Variants in SPATA13 observed in about 807,000 individuals in gnomAD.
SPATA13 encodes spermatogenesis associated 13.
A neutral mutation model predicts 104.0 loss-of-function variants in SPATA13; 50 were observed. That is an observed-to-expected ratio of 0.48 (90% CI 0.38 to 0.61). The LOEUF is 0.61. Ranked by LOEUF, SPATA13 falls within the 20% of genes least tolerant of loss-of-function variation. The pLI, the probability that SPATA13 is intolerant of heterozygous loss-of-function variation, is 0.00. For synonymous variants in SPATA13, 606 were observed against 667.5 expected, an observed-to-expected ratio of 0.91 and a Z score of 1.42; for missense variants, 1,524 against 1,690.6, an observed-to-expected ratio of 0.90 and a Z score of 1.73.
intron 3 of SPATA13, among the ~76,000 whole-genome samples, chr13:24,100,417 T>C (rs2137801152): frequency 6.6e-6 from 1 of 152,350 alleles, no homozygotes; most frequent in Middle Eastern, 3.4e-3. Flanking sequence ...GTAATAAATG[T>C]GTTTATTGAG....
At position 24,284,492 on chromosome 13, in the gene SPATA13, C is replaced by A. The variant is rs188805357; in HGVS notation, c.2301+221C>A. 4.9e-3 allele frequency among the ~76,000 whole-genome samples: 743 copies of A among 152,250 alleles called. 7 individuals are homozygous for A. Among genetic ancestry groups the A allele is most frequent in the African/African-American group, 0.017 (714 of 41,544 alleles). The stretch of plus-strand genomic sequence containing the variant: ...CCTGGCCAACATAGTGAAACCCTGT[C>A]TCTACTAAAAATACAAAAAAATTAG... On this transcript the variant is annotated intron_variant, in intron 5 of 12. Transcript: ENST00000382108.
intron 3 of SPATA13, among the ~76,000 whole-genome samples, chr13:24,052,372 G>A (rs1333358352): frequency 2.3e-5 from 3 of 130,220 alleles, no homozygotes; most frequent in Non-Finnish European, 5.3e-5. Flanking sequence ...AGATCCCATC[G>A]CTACAAACAA....
rs989993721 is a variant in SPATA13, at chr13:24,011,366, C to T, written c.-146-6301C>T. On this transcript the variant is annotated intron_variant, in intron 2 of 14. Coordinates refer to the SPATA13 transcript ENST00000424834. This position sits in a 1 kb window ranked among gnomAD's most constrained non-coding sequence, Gnocchi z 4.3. ...CTCACGTTCCGCAGCTGGTCTGGGC[C>T]CAAGTGCTGAGGACTCAGGGATCCC... Among the ~76,000 whole-genome samples, 33 of 152,286 alleles carry T rather than the reference C, an allele frequency of 2.2e-4. No individual in the cohort carries two copies. The highest frequency in any genetic ancestry group is 7.7e-4 in the African/African-American group (32 of 41,574).
chr13:24,054,297 A>G (rs1470561993), intron 3 of SPATA13, among the ~76,000 whole-genome samples: 5 of 152,220 alleles, frequency 3.3e-5, no homozygotes, highest in African/African-American at 1.2e-4. Context: ...GAGAACTGCA[A>G]ATCCATCTGC....
intron 3 of SPATA13, among the ~76,000 whole-genome samples, chr13:24,129,686 T>G (rs1246160573): frequency 6.6e-6 from 1 of 152,210 alleles, no homozygotes; most frequent in Non-Finnish European, 1.5e-5. Context: ...GTTTCTGCTT[T>G]AAATAGGCTG....
chr13:24,044,646 C>G (rs573583538), intron 3 of SPATA13, among the ~76,000 whole-genome samples: 2 of 152,296 alleles, frequency 1.3e-5, no homozygotes, highest in East Asian at 3.9e-4. Flanking sequence ...TATCCATCAT[C>G]TCATACTTGC....
chr13:24,003,586 T>C (rs1477066191), intron 2 of SPATA13, among the ~76,000 whole-genome samples: 1 of 152,224 alleles, frequency 6.6e-6, no homozygotes, highest in East Asian at 1.9e-4. Flanking sequence ...ATTAGAACCT[T>C]CATCGTGTAT....
At chr13:24,013,415 G>A (rs947935337) in intron 2 of SPATA13, among the ~76,000 whole-genome samples, 4 of 152,252 alleles carry the variant, frequency 2.6e-5, no homozygotes, top group South Asian at 2.1e-4. Flanking sequence ...TGGGGCCCAT[G>A]GGCAGCCCCC....
intron 1 of SPATA13, among the ~76,000 whole-genome samples, chr13:24,208,640 A>G (rs1051243460): frequency 3.3e-5 from 5 of 152,166 alleles, no homozygotes; most frequent in African/African-American, 1.2e-4. Context: ...GAGGGTTCCC[A>G]GACATTCTCA....
chr13:23,990,235 C>T (rs771016798), intron 2 of SPATA13, among the ~76,000 whole-genome samples: 10 of 152,312 alleles, frequency 6.6e-5, no homozygotes, highest in Non-Finnish European at 1.3e-4. Flanking sequence ...TATGATCTGT[C>T]ACCAAGAGGA....
At position 24,223,208 on chromosome 13, in the gene SPATA13, G is replaced by A; in HGVS notation, c.279G>A (p.Met93Ile). 2.6e-6 allele frequency: 4 copies of A among 1,551,692 alleles called. No individual in the cohort carries two copies. In the East Asian group the frequency reaches 9.8e-5, roughly 38 times the overall value. ...CCCACCCCGAGCGGCCCCACTCCAT[G>A]GTCCTGGTGGGGAACTCCTCCACAT... ...TGAHPERPHS[M>I]VLVGNSSTWN... Residue 93 changes from methionine to isoleucine, a missense_variant, in exon 2 of 13, where the codon ATG (methionine) becomes ATA (isoleucine). Transcript: ENST00000382108.
At position 24,297,356 on chromosome 13, in the gene SPATA13, C is replaced by T. The variant is rs369983736; in HGVS notation, c.3211-7C>T. On this transcript the variant is annotated splice_region_variant and splice_polypyrimidine_tract_variant and intron_variant, in intron 10 of 12. Coordinates refer to ENST00000382108, the MANE Select transcript of SPATA13 (RefSeq NM_001166271.3). ...GAAGGTCTTAAGATGTGTTTTCATC[C>T]TTCCAGGGACTGGATATCTTAGACC... The T allele has an allele frequency of 5.5e-5, 88 of 1,600,816 alleles. No homozygotes were observed. Among genetic ancestry groups the T allele is most frequent in the Non-Finnish European group, 6.7e-5 (79 of 1,172,922 alleles).
At chr13:24,294,692 T>C in intron 9 of SPATA13, 47 bp from the exon 10 acceptor site, 1 of 1,542,910 alleles carries the variant, frequency 6.5e-7, no homozygotes, top group Non-Finnish European at 8.9e-7. Context: ...CAGTCCTCAT[T>C]TGTAAGGTGC....
intron 3 of SPATA13, among the ~76,000 whole-genome samples, chr13:24,081,890 T>C (rs1157241647): frequency 1.3e-5 from 2 of 152,176 alleles, no homozygotes; most frequent in African/African-American, 4.8e-5. Flanking sequence ...CTGGAATAAG[T>C]TACCTGGGCC....
At chr13:24,201,942 G>A (rs981806208) in intron 1 of SPATA13, among the ~76,000 whole-genome samples, 2 of 152,032 alleles carry the variant, frequency 1.3e-5, no homozygotes, top group Non-Finnish European at 2.9e-5. Context: ...CATGTAGTTG[G>A]AATCATGTAG....
intron 1 of SPATA13, among the ~76,000 whole-genome samples, chr13:23,980,345 GA>G (rs1874824931): frequency 6.6e-6 from 1 of 152,222 alleles, no homozygotes; most frequent in Non-Finnish European, 1.5e-5. Context: ...GTTGCCGGGC[GA>G]CGGAGGAGCC....
At chr13:24,046,528 A>T (rs1337558439) in intron 3 of SPATA13, among the ~76,000 whole-genome samples, 3 of 99,748 alleles carry the variant, frequency 3.0e-5, no homozygotes, top group South Asian at 5.2e-4. Context: ...TGCTTTACAT[A>T]AATGGAGTCA....
chr13:24,022,305 G>A (rs1346376838), intron 3 of SPATA13, among the ~76,000 whole-genome samples: 4 of 152,092 alleles, frequency 2.6e-5, no homozygotes, highest in Non-Finnish European at 4.4e-5. Context: ...CCAAAGTGCT[G>A]GGATTATAGG....
intron 3 of SPATA13, among the ~76,000 whole-genome samples, chr13:24,114,575 G>A (rs1880770624): frequency 6.6e-6 from 1 of 152,006 alleles, no homozygotes; most frequent in Non-Finnish European, 1.5e-5. Flanking sequence ...TTTGTTTTTA[G>A]ATGATTTCTT....
Sources: gnomAD v4.1 joint callset for allele counts (sites outside exome capture counted in the v4.1 genomes callset) on GRCh38, gnomAD v4.1.1 for gene constraint, Gnocchi (gnomAD v3.1) non-coding constraint, MANE v1.5 for transcripts, NCBI Gene and HGNC (gene_info 2026-07-23, HGNC 2026-07-21) for gene names.